Variants in DENND1A observed in about 807,000 individuals in gnomAD.
DENND1A encodes DENN domain containing 1A.
DENND1A carries 51 observed loss-of-function variants against 113.7 expected under a neutral mutation model. The ratio of observed to expected loss-of-function variants is 0.45; its 90% CI spans 0.36 to 0.57. The LOEUF is 0.57. DENND1A is among the 20% of genes least tolerant of loss of function. DENND1A has a pLI of 0.00. For missense variants in DENND1A, 1,258 were observed against 1,395.9 expected (o/e 0.90, Z 1.57); for synonymous variants, 565 against 570.8 (o/e 0.99, Z 0.14).
intron 12 of DENND1A, among the ~76,000 whole-genome samples, chr9:123,578,326 G>C (rs768513961): frequency 6.6e-6 from 1 of 152,148 alleles, no homozygotes; most frequent in African/African-American, 2.4e-5. Flanking sequence ...TAACAATCTT[G>C]TCTTGTCTGT....
At chr9:123,800,627 A>G (rs183553663) in intron 2 of DENND1A, among the ~76,000 whole-genome samples, 29 of 152,332 alleles carry the variant, frequency 1.9e-4, no homozygotes, top group African/African-American at 6.3e-4. Flanking sequence ...CTGGACAAAT[A>G]ACTACAACAT....
chr9:123,864,915 G>A (rs1252307505), intron 2 of DENND1A, among the ~76,000 whole-genome samples: 1 of 152,174 alleles, frequency 6.6e-6, no homozygotes, highest in East Asian at 1.9e-4. Context: ...TGTTCTAGGT[G>A]CTGGGGACAC....
At chr9:123,470,165 G>A (rs2049281810) in intron 13 of DENND1A, among the ~76,000 whole-genome samples, 1 of 152,186 alleles carries the variant, frequency 6.6e-6, no homozygotes, top group South Asian at 2.1e-4. Context: ...TAATAGCTAT[G>A]TCATGCTCTA....
intron 10 of DENND1A, among the ~76,000 whole-genome samples, chr9:123,627,492 A>T (rs1418702306): frequency 2.0e-5 from 3 of 152,364 alleles, no homozygotes; most frequent in East Asian, 3.9e-4. Flanking sequence ...CTGTAATCGC[A>T]GCCCTTCGGG....
chr9:123,695,107 T>C (rs535253992), intron 5 of DENND1A, among the ~76,000 whole-genome samples: 14 of 152,228 alleles, frequency 9.2e-5, no homozygotes, highest in African/African-American at 3.4e-4. Flanking sequence ...AGACTCCAAG[T>C]TCTTCAGTTT....
In DENND1A at chr9:123,666,033, T is replaced by C. The variant is rs990685841; in HGVS notation, c.507+993A>G. 5.9e-5 allele frequency among the ~76,000 whole-genome samples: 9 copies of C among 152,310 alleles called. No individual in the cohort carries two copies. In the East Asian group the frequency reaches 1.5e-3, roughly 26 times the overall value. On this transcript the variant is annotated intron_variant, in intron 8 of 23. Coordinates refer to ENST00000394215, the MANE Select transcript of DENND1A (RefSeq NM_001352964.2). ...CAAATTCACAGAGACAGAAAGCAGA[T>C]TGATGGTTGCCAGGGGTTGGGGAGA...
chr9:123,707,461 T>C (rs1378172653), intron 5 of DENND1A, among the ~76,000 whole-genome samples: 1 of 150,818 alleles, frequency 6.6e-6, no homozygotes, highest in Non-Finnish European at 1.5e-5. Context: ...ATTTAACACT[T>C]TGGGGAGGTA....
At chr9:123,505,569 A>G (rs2052855408) in intron 13 of DENND1A, among the ~76,000 whole-genome samples, 1 of 152,228 alleles carries the variant, frequency 6.6e-6, no homozygotes, top group South Asian at 2.1e-4. Flanking sequence ...AAACTCCCTT[A>G]AAGGCAACAA....
intron 13 of DENND1A, among the ~76,000 whole-genome samples, chr9:123,534,967 G>A (rs1424632500): frequency 6.6e-6 from 1 of 152,048 alleles, no homozygotes; most frequent in Non-Finnish European, 1.5e-5. Flanking sequence ...CTTCTCTTAA[G>A]ATTCAAAAGG....
In DENND1A at chr9:123,387,757, C is replaced by T. The variant is rs967715923; in HGVS notation, c.1733G>A (p.Ser578Asn). ...TTCAAAGGGAGCGGAGAAGAAAAAG[C>T]TCTCGGTGAAGCCAGAGCTCGGGCC... ...EEGPSSGFTE[S>N]FFFSAPFEWP... The change falls in exon 22 of 24, where the codon AGC becomes AAC. Residue 578 changes from serine to asparagine, a missense_variant. Ser to Asn is a conservative substitution (Grantham distance 46). Coordinates refer to ENST00000394215, the MANE Select transcript of DENND1A (RefSeq NM_001352964.2). 2.5e-5 allele frequency: 32 copies of T among 1,289,780 alleles called. No homozygotes were observed. Among genetic ancestry groups the T allele is most frequent in the Middle Eastern group, 2.1e-4 (1 of 4,718 alleles). The allele number at this position is 1,289,780 out of a possible 1,614,324, so 79.9% of individuals were successfully genotyped here. A position where few individuals can be genotyped will look rare whatever the true frequency, so the allele number is the denominator to read the frequency against.
At chr9:123,551,742 C>A (rs530599931) in intron 13 of DENND1A, among the ~76,000 whole-genome samples, 12 of 152,296 alleles carry the variant, frequency 7.9e-5, no homozygotes, top group African/African-American at 2.9e-4. Context: ...GAATAATTCA[C>A]CCGGCCCTGA....
At chr9:123,516,884 C>CAAAAAAAAAAAAAAAAAAAAAAAAAAA (rs546001517) in intron 13 of DENND1A, among the ~76,000 whole-genome samples, 7 of 93,412 alleles carry the variant, frequency 7.5e-5, no homozygotes, top group Admixed American at 2.1e-4. Context: ...GACTCTGTCT[C>CAAAAAAAAAAAAAAAAAAAAAAAAAAA]AAAAAAAAAA....
intron 17 of DENND1A, among the ~76,000 whole-genome samples, 189 bp downstream of exon 17, chr9:123,452,087 G>A (rs2047761098): frequency 6.6e-6 from 1 of 151,200 alleles, no homozygotes; most frequent in African/African-American, 2.4e-5. Flanking sequence ...CTAGCTACTG[G>A]GGAGGCTGAG....
intron 19 of DENND1A, chr9:123,413,980 G>A: frequency 1.0e-6 from 1 of 989,140 alleles, no homozygotes; most frequent in South Asian, 4.6e-5. Context: ...TCTTATGCTT[G>A]GCCTTTCTAC....
At chr9:123,495,188 T>C (rs2134079362) in intron 13 of DENND1A, among the ~76,000 whole-genome samples, 2 of 149,882 alleles carry the variant, frequency 1.3e-5, no homozygotes, top group African/African-American at 4.9e-5. Context: ...TCTGTTTCCC[T>C]CACAGGGCTT....
intron 5 of DENND1A, among the ~76,000 whole-genome samples, chr9:123,722,925 C>T (rs1457631481): frequency 6.6e-6 from 1 of 152,210 alleles, no homozygotes; most frequent in Admixed American, 6.5e-5. Flanking sequence ...AAAAGGGCCA[C>T]CATCCTCCAG....
chr9:123,461,694 T>C (rs879604499), intron 13 of DENND1A, among the ~76,000 whole-genome samples: 1 of 152,144 alleles, frequency 6.6e-6, no homozygotes, highest in African/African-American at 2.4e-5. Context: ...AATCTCGCCT[T>C]TGGGGAGACA....
chr9:123,586,502 G>A (rs918080723), intron 11 of DENND1A, among the ~76,000 whole-genome samples: 4 of 152,174 alleles, frequency 2.6e-5, no homozygotes, highest in African/African-American at 4.8e-5. Flanking sequence ...GCAGGCCAGG[G>A]TCCCCTTAGT....
intron 21 of DENND1A, among the ~76,000 whole-genome samples, chr9:123,396,315 G>A (rs1564413905): frequency 6.6e-6 from 1 of 152,242 alleles, no homozygotes; most frequent in Non-Finnish European, 1.5e-5. Context: ...ACTCAGGCCT[G>A]TTGGATGCCA....
Sources: allele counts gnomAD v4.1 joint callset (sites outside exome capture counted in the v4.1 genomes callset), GRCh38; gene constraint gnomAD v4.1.1; transcripts MANE v1.5; gene names NCBI Gene and HGNC (gene_info 2026-07-23, HGNC 2026-07-21).